The following PRKAG2 variants were observed in gnomAD, a reference collection of about 807,000 sequenced individuals.
PRKAG2 encodes the protein 5'-AMP-activated protein kinase subunit gamma-2.
Under a neutral mutation model 69.6 loss-of-function variants are expected in PRKAG2, and 26 were observed. That is an observed-to-expected ratio of 0.37 (90% CI 0.27 to 0.52). The LOEUF (loss-of-function observed/expected upper bound fraction) is 0.52. PRKAG2 is among the 20% of genes least tolerant of loss of function. The pLI, the probability that PRKAG2 is intolerant of heterozygous loss-of-function variation, is 0.90. For synonymous variants in PRKAG2, 293 were observed against 285.0 expected (o/e 1.03, Z -0.28); for missense variants, 557 against 740.0 (o/e 0.75, Z 2.87).
chr7:151,559,068 A>T (rs1284227147), intron 15 of PRKAG2: 1 of 985,294 alleles, frequency 1.0e-6, no homozygotes, highest in Non-Finnish European at 1.2e-6. Context: ...CTGTGGGGAT[A>T]AATCTGCCCA....
chr7:151,594,523 A>G (rs904497255), intron 6 of PRKAG2, among the ~76,000 whole-genome samples: 9 of 152,208 alleles, frequency 5.9e-5, no homozygotes, highest in African/African-American at 2.2e-4. Flanking sequence ...GTTAAGATTC[A>G]AATTTTCTGG....
At position 151,749,086 on chromosome 7, in the gene PRKAG2, A is replaced by G. The variant is rs544375139; in HGVS notation, c.466+32066T>C. 2.0e-5 allele frequency among the ~76,000 whole-genome samples: 3 copies of G among 146,346 alleles called. No homozygotes were observed. In the South Asian group the frequency reaches 6.2e-4, roughly 30 times the overall value. ...AGATGTCTCCAGAGAGGAGATGCTCAAAAGAAACTGTGCTCACTGCAAAGC... is the reference window on the plus strand; with the variant it reads ...AGATGTCTCCAGAGAGGAGATGCTCGAAAGAAACTGTGCTCACTGCAAAGC... On this transcript the variant is annotated intron_variant, in intron 3 of 15. Transcript: ENST00000287878.
intron 3 of PRKAG2, among the ~76,000 whole-genome samples, chr7:151,721,805 C>T (rs916137387): frequency 3.3e-5 from 5 of 152,130 alleles, no homozygotes; most frequent in Admixed American, 2.0e-4. Context: ...CGTTATCTGG[C>T]CTTACCATTC....
chr7:151,570,580 A>G (rs570814070), intron 9 of PRKAG2, among the ~76,000 whole-genome samples: 3 of 152,250 alleles, frequency 2.0e-5, no homozygotes, highest in Admixed American at 2.0e-4. Context: ...TGAAGCAATT[A>G]TGAAATTTAA....
chr7:151,815,874 G>A (rs1429903619), intron 1 of PRKAG2, among the ~76,000 whole-genome samples: 3 of 152,192 alleles, frequency 2.0e-5, no homozygotes, highest in Non-Finnish European at 4.4e-5. Context: ...TGGAGGAATT[G>A]CTTCCAAAGA....
chr7:151,688,754 A>C (rs1835161940), intron 3 of PRKAG2, among the ~76,000 whole-genome samples: 1 of 152,212 alleles, frequency 6.6e-6, no homozygotes, highest in Admixed American at 6.5e-5. Context: ...CTTGAATCTC[A>C]GGACACTTGG....
At chr7:151,672,258 C>T (rs565280600) in intron 4 of PRKAG2, among the ~76,000 whole-genome samples, 6 of 152,044 alleles carry the variant, frequency 3.9e-5, no homozygotes, top group Non-Finnish European at 7.4e-5. Context: ...TCTGCCATCA[C>T]GCCCGGGTAA....
intron 1 of PRKAG2, among the ~76,000 whole-genome samples, chr7:151,859,306 C>G (rs532252014): frequency 6.6e-6 from 1 of 152,230 alleles, no homozygotes; most frequent in African/African-American, 2.4e-5. Flanking sequence ...CTGCTGCACA[C>G]GGTAGCGAAG....
chr7:151,764,465 C>T (rs1019671647), intron 3 of PRKAG2, among the ~76,000 whole-genome samples: 3 of 152,226 alleles, frequency 2.0e-5, no homozygotes, highest in African/African-American at 7.2e-5. Context: ...GACACCTGAG[C>T]TGAGGGCCTA....
At chr7:151,755,055 G>A (rs1043402049) in intron 3 of PRKAG2, among the ~76,000 whole-genome samples, 1 of 152,162 alleles carries the variant, frequency 6.6e-6, no homozygotes, top group Non-Finnish European at 1.5e-5. Context: ...AGCCCCGACA[G>A]AGAGTTCTGA....
intron 9 of PRKAG2, among the ~76,000 whole-genome samples, chr7:151,571,228 C>T (rs187295887): frequency 1.1e-4 from 16 of 152,040 alleles, no homozygotes; most frequent in East Asian, 3.9e-4. Context: ...CGCACCACCA[C>T]GCCTGGCTAC....
rs142538990 is a variant in PRKAG2 at position 151,765,454 on chromosome 7, G to A, written c.466+15698C>T. Among the ~76,000 whole-genome samples the A allele has an allele frequency of 3.0e-3, 460 of 152,322 alleles. 3 individuals carry two copies. The highest frequency in any genetic ancestry group is 0.011 in the African/African-American group (444 of 41,566). On this transcript the variant is annotated intron_variant, in intron 3 of 15. Transcript: ENST00000287878. ...GATTACAATTCAACAGGAGATTCGG[G>A]TGGTAACAAGAAGCCAAACCATATC... is the stretch of plus-strand genomic sequence containing the variant.
At chr7:151,687,765 G>C (rs1049539795) in intron 3 of PRKAG2, among the ~76,000 whole-genome samples, 1 of 152,218 alleles carries the variant, frequency 6.6e-6, no homozygotes, top group African/African-American at 2.4e-5. Context: ...CATTCCAGGA[G>C]GTTTCTGACG....
At chr7:151,738,676 T>G (rs1475917184) in intron 3 of PRKAG2, among the ~76,000 whole-genome samples, 1 of 152,266 alleles carries the variant, frequency 6.6e-6, no homozygotes, top group Non-Finnish European at 1.5e-5. Context: ...GCCCATCCCT[T>G]TGTTTCCCTT....
At chr7:151,579,705 A>C (rs1809880053) in intron 6 of PRKAG2, among the ~76,000 whole-genome samples, 1 of 152,206 alleles carries the variant, frequency 6.6e-6, no homozygotes, top group East Asian at 1.9e-4. Context: ...TTTATCAAGA[A>C]GAATCAAACA....
At chr7:151,797,445 C>A (rs1409933196) in intron 1 of PRKAG2, among the ~76,000 whole-genome samples, 1 of 152,116 alleles carries the variant, frequency 6.6e-6, no homozygotes, top group Non-Finnish European at 1.5e-5. Context: ...CACCTCTGAA[C>A]GAGGGCTCAG....
chr7:151,797,230 C>G (rs1224489881), intron 1 of PRKAG2, among the ~76,000 whole-genome samples: 2 of 150,020 alleles, frequency 1.3e-5, no homozygotes, highest in Non-Finnish European at 3.0e-5. Context: ...TCTTGCCACC[C>G]CCCCCACCCC....
At chr7:151,723,710 G>T (rs181300154) in intron 3 of PRKAG2, among the ~76,000 whole-genome samples, 1 of 152,272 alleles carries the variant, frequency 6.6e-6, no homozygotes, top group East Asian at 1.9e-4. Flanking sequence ...CTTCAAGGGC[G>T]CTGGGCTCCC....
At chr7:151,624,683 C>T (rs1468994221) in intron 5 of PRKAG2, among the ~76,000 whole-genome samples, 1 of 152,168 alleles carries the variant, frequency 6.6e-6, no homozygotes, top group African/African-American at 2.4e-5. Context: ...CTTGCTACTG[C>T]CTTCAGTTAT....
Sources: gnomAD v4.1 joint callset for allele counts (sites outside exome capture counted in the v4.1 genomes callset) on GRCh38, gnomAD v4.1.1 for gene constraint, MANE v1.5 for transcripts, NCBI Gene and HGNC (gene_info 2026-07-23, HGNC 2026-07-21) for gene names.